Variants in OPA1 observed in about 807,000 individuals in gnomAD.
OPA1 encodes OPA1 mitochondrial dynamin like GTPase, also known as dynamin-like GTPase OPA1, mitochondrial.
A neutral mutation model predicts 152.9 loss-of-function variants in OPA1; 59 were observed. That is an observed-to-expected ratio of 0.39 (90% CI 0.31 to 0.48). The LOEUF (loss-of-function observed/expected upper bound fraction) is 0.48, where lower values mean the gene tolerates loss of function less well. OPA1 is among the 20% of genes least tolerant of loss of function. The probability of loss-of-function intolerance (pLI) is 0.96; values close to 1 mark genes in which losing one functional copy is unlikely to be tolerated. For missense variants in OPA1, 1,008 were observed against 1,216.8 expected (o/e 0.83, Z 2.55); for synonymous variants, 400 against 389.9 (o/e 1.03, Z -0.31).
In OPA1 at chr3:193,614,824, A is replaced by G; in HGVS notation, c.134A>G (p.His45Arg). ...TCACGAAGCATTTATCATTCACATC[A>G]TCCTACCTTAAAGCTTCAACGACCC... ...LVSRSIYHSHHPTLKLQRPQL... is the reference protein window; with the variant it reads ...LVSRSIYHSHRPTLKLQRPQL... Residue 45 changes from histidine (H) to arginine (R), a missense_variant, in exon 2 of 31, where the codon CAT becomes CGT. His to Arg is a conservative substitution (Grantham distance 29). Coordinates refer to ENST00000361510, the MANE Select transcript of OPA1 (RefSeq NM_130837.3). 1.2e-6 allele frequency: 2 copies of G among 1,613,734 alleles called. No homozygotes were observed. The highest frequency in any genetic ancestry group is 2.2e-5 in the South Asian group (2 of 91,072).
intron 21 of OPA1, among the ~76,000 whole-genome samples, chr3:193,651,667 TG>T (rs1474224645): frequency 3.3e-5 from 5 of 152,112 alleles, no homozygotes; most frequent in Admixed American, 2.6e-4. Context: ...AAGTATAGGA[TG>T]TTGACATGGA....
At position 193,692,089 on chromosome 3, in the gene OPA1, C is replaced by G. The variant is rs747237694; in HGVS notation, c.3010C>G (p.Leu1004Val). ...LKKVREIQEK[L>V]DAFIEALHQE... ...GAAAGTTAGAGAAATTCAAGAAAAA[C>G]TTGATGCTTTCATTGAAGCTCTTCA... The change falls in exon 30 of 31, where the codon CTT becomes GTT. Residue 1004 changes from leucine (L) to valine (V), a missense_variant. By Grantham distance (32) the Leu-to-Val change is conservative. Around this residue, in one of 7 missense-constraint regions of OPA1, gnomAD observed 137 missense variants for 171.0 expected, o/e 0.80. Transcript: ENST00000361510. 6 of 1,551,374 alleles carry G rather than the reference C, an allele frequency of 3.9e-6. No homozygotes were observed. Among genetic ancestry groups the G allele is most frequent in the Non-Finnish European group, 5.3e-6 (6 of 1,133,924 alleles).
Position 193,642,834 on chromosome 3 carries a change from AAAG to A in OPA1, c.1227_1229del (p.Glu409del), listed in dbSNP as rs767821121. The A allele has an allele frequency of 5.6e-6, 9 of 1,612,336 alleles. No individual in the cohort carries two copies. Among genetic ancestry groups the A allele is most frequent in the South Asian group, 3.3e-5 (3 of 91,032 alleles). On this transcript the variant is annotated inframe_deletion, in exon 12 of 31. Coordinates refer to ENST00000361510, the MANE Select transcript of OPA1 (RefSeq NM_130837.3). ...TAGTTCTCGGGAGTTTGATCTTACC[AAAG>A]AAGAAGATGTAAGTAAAATTCATCT...
At position 193,647,071 on chromosome 3, in the gene OPA1, C is replaced by T. The variant is rs1220854730; in HGVS notation, c.1761C>T (p.Ser587=). 5.0e-6 allele frequency: 8 copies of T among 1,605,214 alleles called. No homozygotes were observed. The highest frequency in any genetic ancestry group is 6.8e-6 in the Non-Finnish European group (8 of 1,173,780). ...FFQNSKLLKT[S]MLKAHQVTTR... Reference sequence around the variant, plus strand: ...TGTTATTTTTTTTTAATAGGACAAGCATGCTAAAGGCACACCAAGTGACTA... The same window carrying T: ...TGTTATTTTTTTTTAATAGGACAAGTATGCTAAAGGCACACCAAGTGACTA... The change falls in exon 19 of 31, where the codon AGC becomes AGT. Residue 587 remains serine, a synonymous_variant. Coordinates refer to ENST00000361510, the MANE Select transcript of OPA1 (RefSeq NM_130837.3).
At chr3:193,632,192 C>T (rs935071169) in intron 8 of OPA1, among the ~76,000 whole-genome samples, 1 of 152,116 alleles carries the variant, frequency 6.6e-6, no homozygotes, top group African/African-American at 2.4e-5. Flanking sequence ...ACAAAATTAC[C>T]CTATCACAGC....
rs1464985866 is a variant in OPA1, at chr3:193,675,346, A to C, written c.2983+8066A>C. On this transcript the variant is annotated intron_variant, in intron 29 of 30. Coordinates refer to ENST00000361510, the MANE Select transcript of OPA1 (RefSeq NM_130837.3). The stretch of plus-strand genomic sequence containing the variant: ...TTTTAAGAAAAAAAAAAAAAAAAAA[A>C]AAAACACCCAATCAAGAAGAATAGA... Among the ~76,000 whole-genome samples the C allele has an allele frequency of 6.0e-5, 9 of 150,948 alleles. No individual in the cohort carries two copies. In the East Asian group the frequency reaches 1.6e-3, roughly 26 times the overall value.
chr3:193,648,953 G>T, intron 21 of OPA1, 82 bp downstream of exon 21: 2 of 1,022,910 alleles, frequency 2.0e-6, no homozygotes, highest in Non-Finnish European at 3.1e-6. Flanking sequence ...GATTGATAAA[G>T]CAGTGATTTA....
chr3:193,646,866 A>G (rs893832466), intron 18 of OPA1, among the ~76,000 whole-genome samples, 199 bp from the exon 19 acceptor site: 1 of 152,206 alleles, frequency 6.6e-6, no homozygotes, highest in Non-Finnish European at 1.5e-5. Context: ...CTAGCCACAC[A>G]TTTCCAGGGC....
At chr3:193,649,580 A>C (rs1455296196) in intron 21 of OPA1, among the ~76,000 whole-genome samples, 1 of 152,204 alleles carries the variant, frequency 6.6e-6, no homozygotes, top group Non-Finnish European at 1.5e-5. Flanking sequence ...TTTGGAGCAG[A>C]GCTATCCTCA....
intron 1 of OPA1, among the ~76,000 whole-genome samples, chr3:193,611,929 G>A (rs567557587): frequency 1.3e-5 from 2 of 152,074 alleles, no homozygotes; most frequent in African/African-American, 4.8e-5. Context: ...GGTTTTCAGC[G>A]ATTTTTCTAG....
Position 193,664,927 on chromosome 3 carries a change from A to G in OPA1, c.2709A>G (p.Thr903=), listed in dbSNP as rs150736794. 1.4e-5 allele frequency: 23 copies of G among 1,608,872 alleles called. No homozygotes were observed. The African/African-American group carries it at 2.4e-4, about 17-fold the overall frequency. The part of the protein sequence containing the change: ...HQVYRRHFLK[T]ALNHCNLCRR... ...TTTATAGAAGACATTTTTTAAAAACAGCTCTAAACCATTGTAACCTTTGTC... is the reference window on the plus strand; with the variant it reads ...TTTATAGAAGACATTTTTTAAAAACGGCTCTAAACCATTGTAACCTTTGTC... Residue 903 remains threonine, a synonymous_variant, in exon 27 of 31, where the codon ACA becomes ACG. Transcript: ENST00000361510.
At position 193,653,035 on chromosome 3, in the gene OPA1, G is replaced by A. The variant is rs373141216; in HGVS notation, c.2013-1827G>A. Among the ~76,000 whole-genome samples the A allele has an allele frequency of 3.0e-4, 45 of 152,334 alleles. 1 individual carries two copies. In the East Asian group the frequency reaches 3.9e-3, roughly 13 times the overall value. The stretch of plus-strand genomic sequence containing the variant: ...CCTGGAGGTCAGAGGCTGGATCCTG[G>A]TCTTCAGTTCAACTTTCAGTAATCT... On this transcript the variant is annotated intron_variant, in intron 21 of 30. Transcript: ENST00000361510.
rs117888848 is a variant in OPA1 at position 193,615,011 on chromosome 3, G to A, written c.321G>A (p.Ser107=). ...LLKLRYLILG[S]AVGGGYTAKK... ...AACTTCGCTATCTCATACTAGGATC[G>A]GCTGTTGGGGGTGGCTACACAGCCA... Residue 107 remains serine, a synonymous_variant, in exon 2 of 31, where the codon TCG becomes TCA. Coordinates refer to ENST00000361510, the MANE Select transcript of OPA1 (RefSeq NM_130837.3). 6,414 of 1,614,114 alleles carry A rather than the reference G, an allele frequency of 4.0e-3. 84 individuals carry two copies. Among genetic ancestry groups the A allele is most frequent in the South Asian group, 0.023 (2,104 of 91,072 alleles).
intron 1 of OPA1, among the ~76,000 whole-genome samples, chr3:193,613,558 CTTTG>C (rs962837481): frequency 6.6e-6 from 1 of 151,488 alleles, no homozygotes; most frequent in African/African-American, 2.4e-5. Context: ...CCTCCTCCTT[CTTTG>C]TTTTTTTTTT....
At chr3:193,629,542 C>CA (rs958769089) in intron 7 of OPA1, among the ~76,000 whole-genome samples, 16 of 151,350 alleles carry the variant, frequency 1.1e-4, no homozygotes, top group African/African-American at 3.9e-4. Flanking sequence ...ACTAAAAATA[C>CA]AAAAAAAATT....
chr3:193,642,872 A>G (rs746750317), intron 12 of OPA1, 27 bp downstream of exon 12: 38 of 1,571,824 alleles, frequency 2.4e-5, no homozygotes, highest in Middle Eastern at 1.7e-4. Flanking sequence ...TAAGGTTGAT[A>G]TGTGTAATTT....
chr3:193,673,591 A>G (rs990050366), intron 29 of OPA1, among the ~76,000 whole-genome samples: 6 of 152,174 alleles, frequency 3.9e-5, no homozygotes, highest in Admixed American at 2.0e-4. Flanking sequence ...AAGTTCAGCT[A>G]TAACAGATAT....
intron 7 of OPA1, among the ~76,000 whole-genome samples, chr3:193,629,910 AACTAAAACAATTTAT>A (rs1174348721): frequency 6.6e-6 from 1 of 152,224 alleles, no homozygotes; most frequent in Non-Finnish European, 1.5e-5. Flanking sequence ...TTACATTTAA[AACTAAAACAATTTAT>A]ACTAATACAG....
intron 27 of OPA1, 81 bp downstream of exon 27, chr3:193,665,077 A>G: frequency 1.3e-6 from 1 of 794,456 alleles, no homozygotes; most frequent in Non-Finnish European, 2.2e-6. Context: ...TAGCTTAAGC[A>G]TTAATTTTAA....
Sources: allele counts gnomAD v4.1 joint callset (sites outside exome capture counted in the v4.1 genomes callset), GRCh38; gene constraint gnomAD v4.1.1; regional missense constraint gnomAD v4.1.1; transcripts MANE v1.5; gene names NCBI Gene and HGNC (gene_info 2026-07-23, HGNC 2026-07-21).